The following VEPH1 variants were observed in gnomAD, a reference collection of about 807,000 sequenced individuals.
VEPH1 encodes the protein ventricular zone expressed PH domain containing 1.
Under a neutral mutation model 85.2 loss-of-function variants are expected in VEPH1, and 80 were observed. The ratio of observed to expected loss-of-function variants is 0.94; its 90% CI spans 0.78 to 1.13. The LOEUF is 1.13. Ranked by LOEUF, VEPH1 falls within the 50% of genes most tolerant of loss-of-function variation. The pLI is 0.00. For synonymous variants in VEPH1, 297 were observed against 348.0 expected, an observed-to-expected ratio of 0.85 and a Z score of 1.63; for missense variants, 955 against 980.5, an observed-to-expected ratio of 0.97 and a Z score of 0.35.
rs997772167 is a variant in VEPH1 at position 157,260,542 on chromosome 3, C to T, written c.*592G>A. ...TAATTAAATAAGTAATTCTGAAAGA[C>T]AAGTATTTAATGACATAACTGGCTT... On this transcript the variant is annotated 3_prime_UTR_variant, in exon 14 of 14. Transcript: ENST00000362010. 6.6e-6 allele frequency: 1 copy of T among 152,102 alleles called. No individual in the cohort carries two copies. The highest frequency in any genetic ancestry group is 1.5e-5 in the Non-Finnish European group (1 of 68,030). The allele number at this position is 152,102 out of a possible 1,614,324, so 9.4% of individuals were successfully genotyped here. A position where few individuals can be genotyped will look rare whatever the true frequency, so the allele number is the denominator to read the frequency against.
At chr3:157,478,062 T>G (rs1413010105) in intron 2 of VEPH1, among the ~76,000 whole-genome samples, 1 of 152,184 alleles carries the variant, frequency 6.6e-6, no homozygotes, top group East Asian at 1.9e-4. Context: ...GTACTCATTC[T>G]CTCAGCTGTT....
intron 6 of VEPH1, among the ~76,000 whole-genome samples, chr3:157,384,046 C>T (rs1729044495): frequency 6.6e-6 from 1 of 152,122 alleles, no homozygotes; most frequent in Admixed American, 6.6e-5. Flanking sequence ...TTCTAGAAGT[C>T]AGGAACATAT....
Position 157,363,612 on chromosome 3 carries a change from G to A in VEPH1, c.1487C>T (p.Thr496Ile), listed in dbSNP as rs1404005417. 3 of 1,614,138 alleles carry A rather than the reference G, an allele frequency of 1.9e-6. No homozygotes were observed. The highest frequency in any genetic ancestry group is 2.5e-6 in the Non-Finnish European group (3 of 1,180,008). ...CCCCAGCTGTGATCTCTCAGTGTCT[G>A]TCTTAAACGGCAGCTTGTCATTTCC... ...GQGNDKLPFK[T>I]DTERSQLGES... The change falls in exon 9 of 14, where the codon ACA becomes ATA. Residue 496 changes from threonine (T) to isoleucine (I), a missense_variant. Thr to Ile is a moderately conservative substitution (Grantham distance 89). Transcript: ENST00000362010.
intron 6 of VEPH1, among the ~76,000 whole-genome samples, chr3:157,397,591 T>A (rs1264484742): frequency 6.6e-6 from 1 of 152,204 alleles, no homozygotes. Flanking sequence ...CCTCTCTGAT[T>A]TCCTTGAACA....
intron 3 of VEPH1, among the ~76,000 whole-genome samples, chr3:157,464,314 T>C (rs1736160280): frequency 6.6e-5 from 10 of 151,678 alleles, no homozygotes; most frequent in Admixed American, 6.6e-4. Context: ...GCAAAAGGAG[T>C]TGGTAAAGGA....
At chr3:157,279,884 C>T (rs1023445834) in intron 12 of VEPH1, among the ~76,000 whole-genome samples, 3 of 151,734 alleles carry the variant, frequency 2.0e-5, no homozygotes, top group African/African-American at 4.8e-5. Flanking sequence ...AGTGTGGTGG[C>T]GCATGTCTGT....
intron 6 of VEPH1, among the ~76,000 whole-genome samples, chr3:157,393,883 C>T (rs1226574096): frequency 6.6e-6 from 1 of 152,114 alleles, no homozygotes; most frequent in Non-Finnish European, 1.5e-5. Context: ...TTGTTACCTC[C>T]GGTTTTGTTG....
chr3:157,318,383 G>T (rs1374228186), intron 9 of VEPH1, among the ~76,000 whole-genome samples: 1 of 152,082 alleles, frequency 6.6e-6, no homozygotes, highest in African/African-American at 2.4e-5. Context: ...CAAGGTGGGC[G>T]GATTGCCTCA....
intron 5 of VEPH1, among the ~76,000 whole-genome samples, chr3:157,420,765 A>C (rs1372125581): frequency 2.0e-5 from 3 of 152,148 alleles, no homozygotes; most frequent in Non-Finnish European, 4.4e-5. Context: ...CAGATCACAA[A>C]AGCAGCTCCT....
chr3:157,493,429 A>T, intron 2 of VEPH1: 2 of 334,850 alleles, frequency 6.0e-6, no homozygotes. Flanking sequence ...TAGAGCAGGC[A>T]TGGTGGTTCC....
intron 9 of VEPH1, among the ~76,000 whole-genome samples, chr3:157,362,016 T>A: frequency 6.6e-6 from 1 of 151,872 alleles, no homozygotes. Flanking sequence ...TTTTACTGAG[T>A]TTTTTAATTT....
chr3:157,417,866 T>C (rs1415520932), intron 5 of VEPH1, among the ~76,000 whole-genome samples: 1 of 152,130 alleles, frequency 6.6e-6, no homozygotes, highest in Non-Finnish European at 1.5e-5. Context: ...TGATGCTTGA[T>C]TTGAATTTAG....
Position 157,468,642 on chromosome 3 carries a change from C to T in VEPH1, c.354+1672G>A, listed in dbSNP as rs376474887. ...GTAAATAAATAAATTTTAAAAATTG[C>T]TATATTGATTGCATGTTGAAGTGAT... is the stretch of plus-strand genomic sequence containing the variant. On this transcript the variant is annotated intron_variant, in intron 3 of 13. Transcript: ENST00000362010. 5.3e-5 allele frequency among the ~76,000 whole-genome samples: 8 copies of T among 151,934 alleles called. No individual in the cohort carries two copies. In the South Asian group the frequency reaches 1.7e-3, roughly 32 times the overall value.
chr3:157,395,651 G>T (rs1353977468), intron 6 of VEPH1, among the ~76,000 whole-genome samples: 1 of 151,996 alleles, frequency 6.6e-6, no homozygotes, highest in Non-Finnish European at 1.5e-5. Flanking sequence ...TTCAGTTTTT[G>T]GCCACTCAGG....
intron 5 of VEPH1, among the ~76,000 whole-genome samples, chr3:157,419,473 A>G (rs1437956735): frequency 6.6e-6 from 1 of 152,172 alleles, no homozygotes; most frequent in Non-Finnish European, 1.5e-5. Flanking sequence ...AACATTTACA[A>G]GAAAACAAAC....
At chr3:157,501,444 T>C (rs10513515) in intron 1 of VEPH1, among the ~76,000 whole-genome samples, 22,660 of 152,194 alleles carry the variant, frequency 0.15, 2,225 homozygotes, top group African/African-American at 0.26. Flanking sequence ...GAGTTTTCCA[T>C]GGAAGTGTAG....
chr3:157,260,193 A>G lies in VEPH1; in HGVS notation c.*941T>C, dbSNP rs1393087752. On this transcript the variant is annotated 3_prime_UTR_variant, in exon 14 of 14. Transcript: ENST00000362010. ...ATTCTGTTGGTTAGAAGCAGGTTAC[A>G]TGTCCCACCCACACTCAATGGGGGA... 6.6e-6 allele frequency: 1 copy of G among 152,168 alleles called. No homozygotes were observed. Among genetic ancestry groups the G allele is most frequent in the East Asian group, 1.9e-4 (1 of 5,194 alleles). The allele number at this position is 152,168 out of a possible 1,614,324, so 9.4% of individuals were successfully genotyped here. A position where few individuals can be genotyped will look rare whatever the true frequency, so the allele number is the denominator to read the frequency against.
chr3:157,265,740 C>A, intron 12 of VEPH1, 78 bp from the exon 13 acceptor site: 2 of 1,477,002 alleles, frequency 1.4e-6, no homozygotes, highest in African/African-American at 1.4e-5. Context: ...CAGAACTGTA[C>A]AGTGTACCAG....
intron 11 of VEPH1, among the ~76,000 whole-genome samples, chr3:157,297,719 T>TA (rs1718305882): frequency 6.6e-6 from 1 of 151,868 alleles, no homozygotes; most frequent in African/African-American, 2.4e-5. Context: ...TGGAGGGGTG[T>TA]AATGAGTTGT....
Sources: gnomAD v4.1 joint callset for allele counts (sites outside exome capture counted in the v4.1 genomes callset) on GRCh38, gnomAD v4.1.1 for gene constraint, MANE v1.5 for transcripts, NCBI Gene and HGNC (gene_info 2026-07-23, HGNC 2026-07-21) for gene names.